Variants in GLRB observed in about 807,000 individuals in gnomAD.
GLRB encodes the protein glycine receptor subunit beta.
In GLRB, 33 loss-of-function variants were observed where a neutral mutation model predicts 54.2. The observed-to-expected ratio is 0.61, with a 90% CI of 0.46 to 0.81. The LOEUF (loss-of-function observed/expected upper bound fraction) is 0.81, where lower values mean the gene tolerates loss of function less well. Ranked by LOEUF, GLRB falls within the 40% of genes least tolerant of loss-of-function variation. GLRB has a pLI of 0.00. For synonymous variants in GLRB, 209 were observed against 208.2 expected (o/e 1.00, Z -0.03); for missense variants, 572 against 584.6 (o/e 0.98, Z 0.22).
intron 2 of GLRB, among the ~76,000 whole-genome samples, chr4:157,100,084 A>G (rs1365372442): frequency 6.6e-6 from 1 of 152,128 alleles, no homozygotes; most frequent in Non-Finnish European, 1.5e-5. Flanking sequence ...CTTTTTATGC[A>G]TTTTAACTTT....
intron 8 of GLRB, among the ~76,000 whole-genome samples, chr4:157,150,178 G>T (rs1736966193): frequency 6.6e-6 from 1 of 151,938 alleles, no homozygotes; most frequent in Admixed American, 6.6e-5. Flanking sequence ...GCTATATAAG[G>T]CTATATTATG....
chr4:157,146,543 G>C (rs1227118694), intron 8 of GLRB, among the ~76,000 whole-genome samples: 1 of 152,044 alleles, frequency 6.6e-6, no homozygotes, highest in Non-Finnish European at 1.5e-5. Context: ...ATGGGGCTGA[G>C]AGCAGTGGCT....
chr4:157,084,472 T>C (rs1201895047), intron 2 of GLRB, among the ~76,000 whole-genome samples: 1 of 152,222 alleles, frequency 6.6e-6, no homozygotes, highest in Non-Finnish European at 1.5e-5. Flanking sequence ...TCCTACCTTC[T>C]AAATTATCTT....
At chr4:157,093,800 G>T (rs1734708381) in intron 2 of GLRB, among the ~76,000 whole-genome samples, 1 of 148,626 alleles carries the variant, frequency 6.7e-6, no homozygotes, top group Non-Finnish European at 1.5e-5. Flanking sequence ...CCTTGGCTCT[G>T]CTTTCAAGGG....
chr4:157,091,569 A>G (rs563614373), intron 2 of GLRB, among the ~76,000 whole-genome samples: 5 of 152,172 alleles, frequency 3.3e-5, no homozygotes, highest in African/African-American at 1.2e-4. Flanking sequence ...ACTGGGTAAC[A>G]CTCCTCAAAG....
At chr4:157,079,787 T>C (rs954357191) in intron 2 of GLRB, among the ~76,000 whole-genome samples, 2 of 152,190 alleles carry the variant, frequency 1.3e-5, no homozygotes, top group African/African-American at 2.4e-5. Flanking sequence ...GGCCTTAGTA[T>C]TCCTAAGCGA....
intron 9 of GLRB, among the ~76,000 whole-genome samples, chr4:157,154,160 CT>C (rs1737133301): frequency 6.6e-6 from 1 of 152,198 alleles, no homozygotes; most frequent in Non-Finnish European, 1.5e-5. Context: ...CCAGCACTAT[CT>C]TGGCCTTAAA....
At chr4:157,112,360 T>G (rs1003916067) in intron 2 of GLRB, among the ~76,000 whole-genome samples, 1 of 151,864 alleles carries the variant, frequency 6.6e-6, no homozygotes, top group African/African-American at 2.4e-5. Flanking sequence ...GATTCTCAAG[T>G]GCATAACCTG....
At chr4:157,077,480 T>A (rs908007439) in intron 1 of GLRB, among the ~76,000 whole-genome samples, 1 of 152,112 alleles carries the variant, frequency 6.6e-6, no homozygotes, top group Non-Finnish European at 1.5e-5. Flanking sequence ...CTTTTATCTG[T>A]CTTTTTTAAT....
chr4:157,116,199 A>G (rs1735603680), intron 2 of GLRB, among the ~76,000 whole-genome samples: 1 of 151,842 alleles, frequency 6.6e-6, no homozygotes, highest in Non-Finnish European at 1.5e-5. Context: ...ACATATTAGT[A>G]ATGACATTGG....
intron 4 of GLRB, among the ~76,000 whole-genome samples, chr4:157,125,644 G>A (rs1735990521): frequency 6.6e-6 from 1 of 151,662 alleles, no homozygotes; most frequent in Non-Finnish European, 1.5e-5. Context: ...AAAAATAAAG[G>A]AATTCCTGGC....
At chr4:157,091,993 A>G (rs1440383080) in intron 2 of GLRB, among the ~76,000 whole-genome samples, 1 of 152,214 alleles carries the variant, frequency 6.6e-6, no homozygotes, top group East Asian at 1.9e-4. Flanking sequence ...ATGATGATAA[A>G]TTTAAGGTGA....
intron 7 of GLRB, among the ~76,000 whole-genome samples, chr4:157,142,732 T>C (rs1449264707): frequency 1.3e-5 from 2 of 152,168 alleles, no homozygotes; most frequent in Non-Finnish European, 2.9e-5. Flanking sequence ...TTATTTATTG[T>C]TCATTAATTT....
chr4:157,128,819 C>T (rs181407753), intron 4 of GLRB, among the ~76,000 whole-genome samples: 14 of 151,824 alleles, frequency 9.2e-5, no homozygotes, highest in Non-Finnish European at 1.5e-4. Flanking sequence ...GAATTTTAAC[C>T]TGACTTGAGG....
At chr4:157,102,801 A>G (rs1390244987) in intron 2 of GLRB, among the ~76,000 whole-genome samples, 1 of 152,206 alleles carries the variant, frequency 6.6e-6, no homozygotes, top group Non-Finnish European at 1.5e-5. Flanking sequence ...AACATGTTAC[A>G]TGTATCCCAT....
chr4:157,128,332 A>G (rs767953629), intron 4 of GLRB, among the ~76,000 whole-genome samples: 1 of 151,854 alleles, frequency 6.6e-6, no homozygotes, highest in Non-Finnish European at 1.5e-5. Context: ...ATTTGGAAGC[A>G]TTGGTGATTA....
chr4:157,162,376 C>T (rs1737533072), intron 9 of GLRB, among the ~76,000 whole-genome samples: 1 of 152,234 alleles, frequency 6.6e-6, no homozygotes, highest in Non-Finnish European at 1.5e-5. Flanking sequence ...TGTTCCGTTG[C>T]TGGCGAGGAG....
At chr4:157,090,159 A>C (rs1274873251) in intron 2 of GLRB, among the ~76,000 whole-genome samples, 2 of 152,168 alleles carry the variant, frequency 1.3e-5, no homozygotes, top group African/African-American at 4.8e-5. Flanking sequence ...TCCCCTCTAC[A>C]ACCTAGAGCA....
intron 2 of GLRB, among the ~76,000 whole-genome samples, chr4:157,091,880 A>G (rs1036773409): frequency 2.0e-5 from 3 of 152,110 alleles, no homozygotes; most frequent in African/African-American, 7.2e-5. Flanking sequence ...TTTCCCCCTT[A>G]ATCTGTTACA....
Sources: gnomAD v4.1 joint callset for allele counts (sites outside exome capture counted in the v4.1 genomes callset) on GRCh38, gnomAD v4.1.1 for gene constraint, MANE v1.5 for transcripts, NCBI Gene and HGNC (gene_info 2026-07-23, HGNC 2026-07-21) for gene names.